Variants in SLC19A1 observed in about 807,000 individuals in gnomAD.
SLC19A1 encodes the protein reduced folate transporter.
Under a neutral mutation model 35.3 loss-of-function variants are expected in SLC19A1, and 37 were observed. The observed-to-expected ratio is 1.05, with a 90% CI of 0.81 to 1.38. SLC19A1 has a LOEUF of 1.38. Ranked by LOEUF, SLC19A1 falls within the 40% of genes most tolerant of loss-of-function variation. The pLI, the probability that SLC19A1 is intolerant of heterozygous loss-of-function variation, is 0.00. For missense variants in SLC19A1, 831 were observed against 826.9 expected (o/e 1.00, Z -0.06); for synonymous variants, 460 against 398.5 (o/e 1.15, Z -1.84).
At chr21:45,510,106 C>A, downstream of SLC19A1, 1 of 1,592,386 alleles carries the variant, frequency 6.3e-7, no homozygotes, top group Non-Finnish European at 8.5e-7. Context: ...AGGCGGCATG[C>A]GGGGCATCCG....
rs201955040 is a variant in SLC19A1 at position 45,531,652 on chromosome 21, C to A, written c.686G>T (p.Arg229Leu). The change falls in exon 3 of 6, where the codon CGC becomes CTC. Residue 229 changes from arginine to leucine, a missense_variant. By Grantham distance (102) the Arg-to-Leu change is moderately radical. Coordinates refer to ENST00000311124, the MANE Select transcript of SLC19A1 (RefSeq NM_194255.4). ...CTTCCCGCCTGGGCCAGGATTCATG[C>A]GCTCCAGCTCCGAAGCCGAGGTTTC... ...RCETSASELE[R>L]MNPGPGGKLG... 10 of 1,612,202 alleles carry A rather than the reference C, an allele frequency of 6.2e-6. No individual in the cohort carries two copies. The South Asian group carries it at 7.7e-5, about 12-fold the overall frequency.
upstream of SLC19A1, among the ~76,000 whole-genome samples, chr21:45,543,017 C>T (rs1039529757): frequency 1.3e-5 from 2 of 152,132 alleles, no homozygotes; most frequent in African/African-American, 4.8e-5. Flanking sequence ...CCCCCGGGAC[C>T]CCGCCGCCCG....
chr21:45,528,716 C>T (rs909176454), intron 4 of SLC19A1, among the ~76,000 whole-genome samples: 5 of 152,138 alleles, frequency 3.3e-5, no homozygotes, highest in Admixed American at 1.3e-4. Flanking sequence ...GTGTTTTCCT[C>T]GTGTAAGAAA....
downstream of SLC19A1, chr21:45,507,575 A>C (rs12483761): frequency 6.2e-7 from 1 of 1,612,620 alleles, no homozygotes; most frequent in Non-Finnish European, 8.5e-7. Context: ...AGGCCCGGAC[A>C]CCACTCCCAC....
At chr21:45,543,097 G>A (rs528115938), upstream of SLC19A1, among the ~76,000 whole-genome samples, 142 of 152,306 alleles carry the variant, frequency 9.3e-4, 1 homozygote, top group Admixed American at 2.1e-3. Context: ...CGTGGCCCGG[G>A]GCCACCAGTC....
rs976026465 is a variant in SLC19A1 at position 45,512,787 on chromosome 21, C to T, written c.*2871G>A. ...GACTTCATCTCCCACCTAGCAGCAC[C>T]GTTCTGTGCACAAAACCCAGACCTG... On this transcript the variant is annotated 3_prime_UTR_variant, in exon 6 of 6. Coordinates refer to ENST00000311124, the MANE Select transcript of SLC19A1 (RefSeq NM_194255.4). The T allele has an allele frequency of 1.5e-5, 5 of 335,084 alleles. No homozygotes were observed. Among genetic ancestry groups the T allele is most frequent in the East Asian group, 8.2e-5 (1 of 12,262 alleles). The allele number at this position is 335,084 out of a possible 1,614,324, so 20.8% of individuals were successfully genotyped here.
intron 3 of SLC19A1, chr21:45,504,509 C>A (rs950735501): frequency 1.4e-6 from 2 of 1,410,606 alleles, no homozygotes; most frequent in East Asian, 2.6e-5. Flanking sequence ...GCCCGGCCCC[C>A]CCGGCCCCCC....
intron 1 of SLC19A1, chr21:45,541,690 A>C (rs1602913639): frequency 2.0e-5 from 3 of 152,414 alleles, no homozygotes; most frequent in Admixed American, 2.0e-4. Context: ...AGCTGCTCCA[A>C]GGGGAAGTTG....
chr21:45,545,593 C>T (rs73228799), upstream of SLC19A1, among the ~76,000 whole-genome samples: 4,812 of 152,200 alleles, frequency 0.032, 91 homozygotes, highest in Middle Eastern at 0.065. Flanking sequence ...CCCCCTCATA[C>T]GTACACACAC....
downstream of SLC19A1, among the ~76,000 whole-genome samples, chr21:45,508,304 T>C (rs374014124): frequency 3.8e-3 from 553 of 144,484 alleles, 6 homozygotes; most frequent in African/African-American, 0.014. Context: ...GGATGGGTGG[T>C]TGCTGGACAG....
At position 45,517,716 on chromosome 21, in the gene SLC19A1, A is replaced by G. The variant is rs2038041143; in HGVS notation, c.1294-1576T>C. Among the ~76,000 whole-genome samples the G allele has an allele frequency of 6.6e-6, 1 of 151,982 alleles. No individual in the cohort carries two copies. The highest frequency in any genetic ancestry group is 2.1e-4 in the South Asian group (1 of 4,822). Reference sequence around the variant, plus strand: ...CAAGCGGGAGTCCAGACTTTCACCTACCCAGCAATAATGAGAATGTCCCAA... The same window carrying G: ...CAAGCGGGAGTCCAGACTTTCACCTGCCCAGCAATAATGAGAATGTCCCAA... On this transcript the variant is annotated intron_variant, in intron 5 of 5. Transcript: ENST00000311124. This position sits in a 1 kb window ranked among gnomAD's most constrained non-coding sequence, Gnocchi z 4.4.
In SLC19A1 at chr21:45,514,455, G is replaced by C. The variant is rs575862090; in HGVS notation, c.*1203C>G. ...ACCCCTGGGTCCAGCAGCTCCAGCA[G>C]CCCCTCCCCAGCCAGAGATTCTCTC... On this transcript the variant is annotated 3_prime_UTR_variant, in exon 6 of 6. Transcript: ENST00000311124. 1 of 152,654 alleles carries C rather than the reference G, an allele frequency of 6.6e-6. No homozygotes were observed. The highest frequency in any genetic ancestry group is 1.9e-4 in the East Asian group (1 of 5,180). The allele number at this position is 152,654 out of a possible 1,614,324, so 9.5% of individuals were successfully genotyped here.
chr21:45,513,546 C>CA lies in SLC19A1; in HGVS notation c.*2111_*2112insT, dbSNP rs78063943. 3.3e-5 allele frequency: 5 copies of CA among 151,932 alleles called. No homozygotes were observed. In the South Asian group the frequency reaches 6.2e-4, roughly 19 times the overall value. The allele number at this position is 151,932 out of a possible 1,614,324, so 9.4% of individuals were successfully genotyped here. The stretch of plus-strand genomic sequence containing the variant: ...CCCCTGAGATCCGGCAACATCAACC[C>CA]GAGTCATTCGTTCTGTGGAGGGACA... On this transcript the variant is annotated 3_prime_UTR_variant, in exon 6 of 6. Coordinates refer to ENST00000311124, the MANE Select transcript of SLC19A1 (RefSeq NM_194255.4).
intron 3 of SLC19A1, chr21:45,502,890 A>G (rs2036938481): frequency 6.6e-6 from 1 of 152,244 alleles, no homozygotes. Context: ...GTGGATCTGC[A>G]GGTGAACTCT....
rs1165234236 is a variant in SLC19A1, at chr21:45,555,193, CGGGGGCGGCGCAGGGGGCGGT to C, written c.-50+7528_-50+7548del. ...GCGCAGGGGGCGGTGCAGGGGGCGG[CGGGGGCGGCGCAGGGGGCGGT>C]GGGGGGCGCCGGGGGGCGGCGCAGG... On this transcript the variant is annotated intron_variant, in intron 1 of 5. Transcript: ENST00000650808. 2.6e-3 allele frequency among the ~76,000 whole-genome samples: 34 copies of C among 13,328 alleles called. 7 individuals carry two copies. Among genetic ancestry groups the C allele is most frequent in the African/African-American group, 0.014 (32 of 2,220 alleles). The allele number at this position is 13,328 out of a possible 152,430, so 8.7% of individuals were successfully genotyped here. A position where few individuals can be genotyped will look rare whatever the true frequency, so the allele number is the denominator to read the frequency against.
intron 3 of SLC19A1, chr21:45,504,201 G>A (rs544338951): frequency 2.9e-5 from 29 of 1,004,422 alleles, no homozygotes; most frequent in Admixed American, 1.2e-4. Context: ...TGTCGAGGGC[G>A]TCCCTCAGGA....
chr21:45,510,356 G>A (rs926112149), downstream of SLC19A1: 2 of 1,365,428 alleles, frequency 1.5e-6, no homozygotes, highest in East Asian at 2.5e-5. Context: ...AGGGCCTCTG[G>A]AGGCCACCAT....
In SLC19A1 at chr21:45,536,012, C is replaced by T. The variant is rs545102304; in HGVS notation, c.189+1759G>A. On this transcript the variant is annotated intron_variant, in intron 2 of 5. Transcript: ENST00000311124. The stretch of plus-strand genomic sequence containing the variant: ...CCTACTGGTGGCTGCCCCTGCACCC[C>T]GGCGCCCACGTGCCTGCTCCCGCGT... The T allele has an allele frequency of 1.5e-4, 38 of 256,746 alleles. 1 individual carries two copies. Among genetic ancestry groups the T allele is most frequent in the South Asian group, 1.0e-3 (8 of 7,714 alleles). 15.9% of individuals were successfully genotyped at this position (256,746 alleles called of 1,614,324 possible).
chr21:45,555,201 G>C (rs1332867231), intron 1 of SLC19A1, among the ~76,000 whole-genome samples: 1 of 45,204 alleles, frequency 2.2e-5, no homozygotes, highest in Non-Finnish European at 4.2e-5. Context: ...GGCGGGGGCG[G>C]CGCAGGGGGC....
Sources: gnomAD v4.1 joint callset for allele counts (sites outside exome capture counted in the v4.1 genomes callset) on GRCh38, gnomAD v4.1.1 for gene constraint, Gnocchi (gnomAD v3.1) non-coding constraint, MANE v1.5 for transcripts, NCBI Gene and HGNC (gene_info 2026-07-23, HGNC 2026-07-21) for gene names.